OTOGL: variants seen among roughly 807,000 people sequenced by gnomAD.
The protein encoded by OTOGL is otogelin-like protein.
OTOGL carries 285 observed loss-of-function variants against 318.5 expected under a neutral mutation model. The ratio of observed to expected loss-of-function variants is 0.89; its 90% CI spans 0.81 to 0.99. The LOEUF (loss-of-function observed/expected upper bound fraction) is 0.99. OTOGL is among the 50% of genes least tolerant of loss of function. The pLI is 0.00. For missense variants in OTOGL, 2,899 were observed against 2,845.6 expected, an observed-to-expected ratio of 1.02 and a Z score of -0.43; for synonymous variants, 987 against 936.5, an observed-to-expected ratio of 1.05 and a Z score of -0.99.
At chr12:80,125,309 T>A (rs1048215834) in intron 1 of OTOGL, among the ~76,000 whole-genome samples, 1 of 152,212 alleles carries the variant, frequency 6.6e-6, no homozygotes, top group Non-Finnish European at 1.5e-5. Flanking sequence ...GTGGCTTTTG[T>A]CATTGGTTCT....
chr12:80,328,915 A>T (rs1887885671), intron 36 of OTOGL, 136 bp from the exon 37 acceptor site: 1 of 1,009,298 alleles, frequency 9.9e-7, no homozygotes, highest in African/African-American at 1.6e-5. Context: ...TAAATCATGT[A>T]GATCTTCCAC....
chr12:80,131,943 GT>G (rs1311329363), intron 1 of OTOGL: 1 of 152,182 alleles, frequency 6.6e-6, no homozygotes. Flanking sequence ...CAAGAATAGA[GT>G]TTGTAAGAAC....
At chr12:80,375,297 A>G (rs1389459130) in intron 57 of OTOGL, among the ~76,000 whole-genome samples, 1 of 152,186 alleles carries the variant, frequency 6.6e-6, no homozygotes, top group Non-Finnish European at 1.5e-5. Context: ...ATGATAAATT[A>G]TTGCTGCCCT....
At chr12:80,205,446 G>A (rs559061882) in intron 1 of OTOGL, among the ~76,000 whole-genome samples, 1 of 152,148 alleles carries the variant, frequency 6.6e-6, no homozygotes, top group Non-Finnish European at 1.5e-5. Flanking sequence ...CACAGATACT[G>A]CTTATGAAAT....
At chr12:80,158,757 A>T (rs1386145776) in intron 1 of OTOGL, among the ~76,000 whole-genome samples, 1 of 152,058 alleles carries the variant, frequency 6.6e-6, no homozygotes, top group Non-Finnish European at 1.5e-5. Flanking sequence ...TTTTCTAAGT[A>T]TACGATCATA....
At chr12:80,246,411 T>G (rs1229558164) in intron 11 of OTOGL, among the ~76,000 whole-genome samples, 1 of 139,442 alleles carries the variant, frequency 7.2e-6, no homozygotes, top group Non-Finnish European at 1.5e-5. Context: ...TCTGCATCTA[T>G]TGAGATAATC....
chr12:80,254,023 C>G (rs181592458), intron 14 of OTOGL, among the ~76,000 whole-genome samples: 1 of 152,168 alleles, frequency 6.6e-6, no homozygotes, highest in Non-Finnish European at 1.5e-5. Context: ...TAAAAAGAAA[C>G]AGAGGTCTAA....
chr12:80,223,837 T>C (rs1319117499), intron 7 of OTOGL, among the ~76,000 whole-genome samples: 1 of 152,192 alleles, frequency 6.6e-6, no homozygotes. Context: ...TAGTCCATTG[T>C]TGGATGTATA....
rs80232906 is a variant in OTOGL, at chr12:80,357,889, C to T, written c.6020-359C>T. ...TGTTGAAGCAGCCCAAAAGAACAAA[C>T]GCCTACTACATTTTCATCCCTAAAT... On this transcript the variant is annotated intron_variant, in intron 49 of 58. Transcript: ENST00000547103. Among the ~76,000 whole-genome samples, 1,379 of 152,140 alleles carry T rather than the reference C, an allele frequency of 9.1e-3. 12 individuals are homozygous for T. Among genetic ancestry groups the T allele is most frequent in the African/African-American group, 0.028 (1,144 of 41,506 alleles).
At chr12:80,364,902 A>G (rs1311228403) in intron 52 of OTOGL, among the ~76,000 whole-genome samples, 2 of 152,104 alleles carry the variant, frequency 1.3e-5, no homozygotes, top group East Asian at 1.9e-4. Flanking sequence ...TTAAATACAA[A>G]TCAGAACTAT....
chr12:80,186,976 C>T (rs1361971373), intron 1 of OTOGL, among the ~76,000 whole-genome samples: 1 of 152,068 alleles, frequency 6.6e-6, no homozygotes, highest in Non-Finnish European at 1.5e-5. Flanking sequence ...CCCATATTAT[C>T]TAGCTTCAAA....
chr12:80,377,834 G>C lies in OTOGL; in HGVS notation c.6862-14G>C. 1 of 1,579,974 alleles carries C rather than the reference G, an allele frequency of 6.3e-7. No individual in the cohort carries two copies. Among genetic ancestry groups the C allele is most frequent in the Non-Finnish European group, 8.6e-7 (1 of 1,157,924 alleles). On this transcript the variant is annotated splice_polypyrimidine_tract_variant and intron_variant, in intron 58 of 58. Transcript: ENST00000547103. ...AAAGTTTAAGACTTTTTTTCTCATTGTCACTTCTTACAGATAAATGTTGCA... is the reference window on the plus strand; with the variant it reads ...AAAGTTTAAGACTTTTTTTCTCATTCTCACTTCTTACAGATAAATGTTGCA...
chr12:80,365,049 T>A (rs748825578), intron 52 of OTOGL, among the ~76,000 whole-genome samples: 2 of 152,124 alleles, frequency 1.3e-5, no homozygotes, highest in Non-Finnish European at 2.9e-5. Context: ...TATACACTAC[T>A]GGTGGCAGTG....
chr12:80,283,955 A>C (rs900603010), intron 26 of OTOGL, among the ~76,000 whole-genome samples: 1 of 151,934 alleles, frequency 6.6e-6, no homozygotes, highest in African/African-American at 2.4e-5. Flanking sequence ...GGTTTGCTAC[A>C]CCCATCAACC....
chr12:80,372,737 G>A (rs866793684), intron 57 of OTOGL, among the ~76,000 whole-genome samples: 5 of 151,288 alleles, frequency 3.3e-5, no homozygotes, highest in South Asian at 2.1e-4. Context: ...TGCCCAGGCC[G>A]GGGCGTAGTG....
In OTOGL at chr12:80,135,332, G is replaced by A. The variant is rs144757388; in HGVS notation, c.-20+35727G>A. Among the ~76,000 whole-genome samples, 1,016 of 142,266 alleles carry A rather than the reference G, an allele frequency of 7.1e-3. 8 individuals carry two copies. Among genetic ancestry groups the A allele is most frequent in the South Asian group, 0.015 (66 of 4,318 alleles). The allele number at this position is 142,266 out of a possible 152,430, so 93.3% of individuals were successfully genotyped here. A position where few individuals can be genotyped will look rare whatever the true frequency, so the allele number is the denominator to read the frequency against. On this transcript the variant is annotated intron_variant, in intron 1 of 58. Transcript: ENST00000547103. ...CTATCACCCAGGCTACAGTGCAGTG[G>A]CATGATCTCAGCTCATTGTAACCTC... is the stretch of plus-strand genomic sequence containing the variant.
chr12:80,249,985 C>G (rs1042230587), intron 11 of OTOGL, among the ~76,000 whole-genome samples: 1 of 152,080 alleles, frequency 6.6e-6, no homozygotes, highest in Non-Finnish European at 1.5e-5. Flanking sequence ...TGACCCCTTG[C>G]GCTTCCCAGG....
intron 6 of OTOGL, among the ~76,000 whole-genome samples, chr12:80,221,267 C>CAT (rs1565907827): frequency 1.6e-5 from 2 of 123,172 alleles, no homozygotes; most frequent in South Asian, 2.8e-4. Flanking sequence ...TTCCAGCATA[C>CAT]CTTTTTTTTT....
chr12:80,332,855 C>T (rs911834797), intron 37 of OTOGL, 150 bp from the exon 38 acceptor site: 19 of 600,412 alleles, frequency 3.2e-5, no homozygotes, highest in African/African-American at 2.1e-4. Context: ...TGTAAAATGT[C>T]GATACTATTA....
Sources: gnomAD v4.1 joint callset for allele counts (sites outside exome capture counted in the v4.1 genomes callset) on GRCh38, gnomAD v4.1.1 for gene constraint, MANE v1.5 for transcripts, NCBI Gene and HGNC (gene_info 2026-07-23, HGNC 2026-07-21) for gene names.